The following ATG4C variants were observed in gnomAD, a reference collection of about 807,000 sequenced individuals.
The protein encoded by ATG4C is cysteine protease ATG4C.
A neutral mutation model predicts 57.6 loss-of-function variants in ATG4C; 56 were observed. The observed-to-expected ratio is 0.97, with a 90% CI of 0.78 to 1.21. The LOEUF (loss-of-function observed/expected upper bound fraction) is 1.21. Among genes scored for constraint, ATG4C ranks in the 50% most tolerant of loss-of-function variants. The pLI, the probability that ATG4C is intolerant of heterozygous loss-of-function variation, is 0.00. For missense variants in ATG4C, 595 were observed against 529.8 expected, an observed-to-expected ratio of 1.12 and a Z score of -1.21; for synonymous variants, 157 against 174.1, an observed-to-expected ratio of 0.90 and a Z score of 0.78.
chr1:62,861,500 C>T (rs917936387), intron 10 of ATG4C, among the ~76,000 whole-genome samples: 2 of 151,266 alleles, frequency 1.3e-5, no homozygotes, highest in Non-Finnish European at 2.9e-5. Context: ...AGCCGTGAGC[C>T]GTGATCATGC....
intron 3 of ATG4C, among the ~76,000 whole-genome samples, chr1:62,813,881 A>G (rs899781691): frequency 2.0e-5 from 3 of 152,252 alleles, no homozygotes; most frequent in Non-Finnish European, 2.9e-5. Context: ...AATGCAATCA[A>G]AACCACAATG....
intron 7 of ATG4C, among the ~76,000 whole-genome samples, chr1:62,829,387 T>A (rs1010144907): frequency 1.4e-4 from 21 of 152,124 alleles, no homozygotes; most frequent in Admixed American, 1.2e-3. Context: ...ATGAAAAGCC[T>A]TTTAATCTTT....
Position 62,818,986 on chromosome 1 carries a change from T to C in ATG4C, c.395-19T>C. On this transcript the variant is annotated intron_variant, in intron 4 of 10. Coordinates refer to ENST00000317868, the MANE Select transcript of ATG4C (RefSeq NM_032852.4). The stretch of plus-strand genomic sequence containing the variant: ...ATCTATTTAAAAGATCTGAACACTT[T>C]GCTTTGGAACTACTATAGCTTGGAC... 1 of 1,496,374 alleles carries C rather than the reference T, an allele frequency of 6.7e-7. No individual in the cohort carries two copies. The highest frequency in any genetic ancestry group is 8.9e-7 in the Non-Finnish European group (1 of 1,124,372). The allele number at this position is 1,496,374 out of a possible 1,614,324, so 92.7% of individuals were successfully genotyped here. A position where few individuals can be genotyped will look rare whatever the true frequency, so the allele number is the denominator to read the frequency against.
intron 9 of ATG4C, among the ~76,000 whole-genome samples, chr1:62,835,941 C>A (rs943575471): frequency 6.6e-6 from 1 of 152,024 alleles, no homozygotes; most frequent in African/African-American, 2.4e-5. Flanking sequence ...AGTTACATTT[C>A]CAGTAGATCA....
chr1:62,861,493 C>T (rs745636936), intron 10 of ATG4C, among the ~76,000 whole-genome samples: 7 of 151,388 alleles, frequency 4.6e-5, no homozygotes, highest in Non-Finnish European at 8.8e-5. Context: ...TGCAGTGAGC[C>T]GTGAGCCGTG....
At chr1:62,815,823 T>A (rs1665251856) in intron 3 of ATG4C, among the ~76,000 whole-genome samples, 1 of 152,238 alleles carries the variant, frequency 6.6e-6, no homozygotes, top group African/African-American at 2.4e-5. Flanking sequence ...TAGCTGGGAC[T>A]ACAGGTGCCT....
chr1:62,797,293 G>A (rs1295437118), intron 1 of ATG4C, among the ~76,000 whole-genome samples: 1 of 151,884 alleles, frequency 6.6e-6, no homozygotes, highest in Non-Finnish European at 1.5e-5. Flanking sequence ...TAGTGATATA[G>A]ATCTATATAA....
chr1:62,845,917 G>T (rs992590710), intron 10 of ATG4C, among the ~76,000 whole-genome samples: 1 of 152,102 alleles, frequency 6.6e-6, no homozygotes, highest in African/African-American at 2.4e-5. Context: ...GACCAAGCTG[G>T]TCTTGAATTC....
intron 9 of ATG4C, chr1:62,835,284 A>T: frequency 3.9e-6 from 1 of 259,152 alleles, no homozygotes; most frequent in South Asian, 4.4e-5. Context: ...TGAGTACAGT[A>T]ATTAAATCTT....
chr1:62,805,078 G>A (rs1664811670), intron 2 of ATG4C, 94 bp from the exon 3 acceptor site: 2 of 1,407,924 alleles, frequency 1.4e-6, no homozygotes, highest in Non-Finnish European at 1.8e-6. Flanking sequence ...ATAATTGATG[G>A]TTTGAAATTA....
chr1:62,805,577 A>C (rs1385681120), intron 3 of ATG4C, among the ~76,000 whole-genome samples: 3 of 152,196 alleles, frequency 2.0e-5, no homozygotes, highest in Non-Finnish European at 4.4e-5. Context: ...TCTAAAAATG[A>C]TAATTTTTTT....
intron 1 of ATG4C, among the ~76,000 whole-genome samples, chr1:62,785,002 T>C (rs900875548): frequency 6.6e-6 from 1 of 152,248 alleles, no homozygotes; most frequent in Non-Finnish European, 1.5e-5. Flanking sequence ...TTGTATTGGT[T>C]ATTTACCCAC....
chr1:62,858,167 T>A (rs573767023), intron 10 of ATG4C, among the ~76,000 whole-genome samples: 1 of 152,372 alleles, frequency 6.6e-6, no homozygotes, highest in East Asian at 1.9e-4. Context: ...TTGTTGTTAT[T>A]GTTTTCTATT....
At chr1:62,857,789 A>G (rs1193245479) in intron 10 of ATG4C, among the ~76,000 whole-genome samples, 1 of 152,130 alleles carries the variant, frequency 6.6e-6, no homozygotes, top group Non-Finnish European at 1.5e-5. Context: ...TATCTGTTCA[A>G]TACTCATCCC....
At chr1:62,792,320 A>G (rs112096229) in intron 1 of ATG4C, among the ~76,000 whole-genome samples, 5,868 of 152,040 alleles carry the variant, frequency 0.039, 389 homozygotes, top group African/African-American at 0.13. Flanking sequence ...TAATCCTTTC[A>G]CCAGTACCCT....
At chr1:62,832,024 C>T (rs1665857237) in intron 7 of ATG4C, among the ~76,000 whole-genome samples, 1 of 152,134 alleles carries the variant, frequency 6.6e-6, no homozygotes, top group Non-Finnish European at 1.5e-5. Flanking sequence ...ACTGATCAGA[C>T]TGCCTCGAAG....
intron 1 of ATG4C, among the ~76,000 whole-genome samples, chr1:62,799,522 TAATG>T (rs1231947769): frequency 1.3e-5 from 2 of 152,304 alleles, no homozygotes; most frequent in African/African-American, 4.8e-5. Flanking sequence ...TGACCAAAAA[TAATG>T]AAATAACAAC....
At chr1:62,829,650 T>C (rs1223750048) in intron 7 of ATG4C, among the ~76,000 whole-genome samples, 1 of 152,070 alleles carries the variant, frequency 6.6e-6, no homozygotes, top group Non-Finnish European at 1.5e-5. Context: ...ATGAAGATAG[T>C]ATTTGGAGGA....
rs114161035 is a variant in ATG4C, at chr1:62,820,525, A to G, written c.726-614A>G. On this transcript the variant is annotated intron_variant, in intron 5 of 10. Transcript: ENST00000317868. ...AGTTAAATAAAATTACATTTCCACA[A>G]TTTGCATAATCACCGTTTATAGATA... 5.9e-3 allele frequency among the ~76,000 whole-genome samples: 904 copies of G among 152,232 alleles called. 6 individuals carry two copies. Among genetic ancestry groups the G allele is most frequent in the African/African-American group, 0.021 (864 of 41,556 alleles).
Sources: gnomAD v4.1 joint callset for allele counts (sites outside exome capture counted in the v4.1 genomes callset) on GRCh38, gnomAD v4.1.1 for gene constraint, MANE v1.5 for transcripts, NCBI Gene and HGNC (gene_info 2026-07-23, HGNC 2026-07-21) for gene names.